CREG2: variants seen among roughly 807,000 people sequenced by gnomAD.
CREG2 encodes the protein protein CREG2.
A neutral mutation model predicts 26.2 loss-of-function variants in CREG2; 24 were observed. The observed-to-expected ratio is 0.92, with a 90% CI of 0.66 to 1.29. The LOEUF is 1.29. CREG2 is among the 50% of genes most tolerant of loss of function. CREG2 has a pLI of 0.00. For missense variants in CREG2, 366 were observed against 398.6 expected (o/e 0.92, Z 0.70); for synonymous variants, 174 against 169.2 (o/e 1.03, Z -0.22).
Position 101,350,877 on chromosome 2 carries a change from A to C in CREG2, c.*46T>G, listed in dbSNP as rs1190780502. ...TAGCTGTCTGGCTGCATCACTGAAA[A>C]GGTTTTCATTTAAGTGCAAACACCA... On this transcript the variant is annotated 3_prime_UTR_variant, in exon 4 of 4. Transcript: ENST00000324768. The C allele has an allele frequency of 1.2e-6, 2 of 1,600,684 alleles. No homozygotes were observed. Among genetic ancestry groups the C allele is most frequent in the African/African-American group, 2.7e-5 (2 of 74,666 alleles).
At chr2:101,356,659 G>A (rs1021951533) in intron 2 of CREG2, among the ~76,000 whole-genome samples, 71 of 152,204 alleles carry the variant, frequency 4.7e-4, no homozygotes, top group African/African-American at 1.5e-3. Flanking sequence ...GTAGTACAAC[G>A]CTTCTGTCTG....
chr2:101,351,016 C>T lies in CREG2; in HGVS notation c.780G>A (p.Met260Ile), dbSNP rs749654249. ...TCTGAAGCCAGATATGTTCTATCCT[C>T]ATCTTCATAAAGAACCATTCATATT... Reference protein sequence around the residue: ...PRQYEWFFMKMRIEHIWLQKW... With the variant: ...PRQYEWFFMKIRIEHIWLQKW... Residue 260 changes from methionine to isoleucine, a missense_variant, in exon 4 of 4, where the codon ATG becomes ATA. Coordinates refer to ENST00000324768, the MANE Select transcript of CREG2 (RefSeq NM_153836.4). The T allele has an allele frequency of 6.2e-7, 1 of 1,614,206 alleles. No individual in the cohort carries two copies. Among genetic ancestry groups the T allele is most frequent in the Non-Finnish European group, 8.5e-7 (1 of 1,180,006 alleles).
intron 2 of CREG2, among the ~76,000 whole-genome samples, chr2:101,362,338 T>C (rs1347993128): frequency 1.3e-5 from 2 of 152,196 alleles, no homozygotes; most frequent in Admixed American, 1.3e-4. Context: ...GTTGACATTG[T>C]TTAGCCCCTA....
At position 101,346,398 on chromosome 2, in the gene CREG2, C is replaced by T. The variant is rs1002449130; in HGVS notation, c.*4525G>A. The T allele has an allele frequency of 3.3e-5, 5 of 152,202 alleles. No homozygotes were observed. Among genetic ancestry groups the T allele is most frequent in the Non-Finnish European group, 7.3e-5 (5 of 68,044 alleles). 9.4% of individuals were successfully genotyped at this position (152,202 alleles called of 1,614,324 possible). ...AATCAGTGGAGAATCATTATATACACACTTGGATACTTATATACACCTATA... is the reference window on the plus strand; with the variant it reads ...AATCAGTGGAGAATCATTATATACATACTTGGATACTTATATACACCTATA... On this transcript the variant is annotated 3_prime_UTR_variant, in exon 4 of 4. Coordinates refer to ENST00000324768, the MANE Select transcript of CREG2 (RefSeq NM_153836.4).
Position 101,387,239 on chromosome 2 carries a change from G to T in CREG2, c.219C>A (p.Ser73Arg), listed in dbSNP as rs1220707643. 1.4e-6 allele frequency: 2 copies of T among 1,438,562 alleles called. No individual in the cohort carries two copies. Among genetic ancestry groups the T allele is most frequent in the African/African-American group, 2.9e-5 (2 of 67,994 alleles). 89.1% of individuals were successfully genotyped at this position (1,438,562 alleles called of 1,614,324 possible). A position where few individuals can be genotyped will look rare whatever the true frequency, so the allele number is the denominator to read the frequency against. Reference protein sequence around the residue: ...LEDSGSIWQQSFPASAHKEDA... With the variant: ...LEDSGSIWQQRFPASAHKEDA... ...CCTCCTTGTGGGCAGAGGCGGGGAA[G>T]CTTTGCTGCCAGATGCTGCCCGAAT... Residue 73 changes from serine (S) to arginine (R), a missense_variant, in exon 1 of 4, where the codon AGC becomes AGA. Transcript: ENST00000324768. The surrounding 1 kb of genome is among the most constrained non-coding windows in gnomAD (Gnocchi z 4.7).
intron 2 of CREG2, among the ~76,000 whole-genome samples, chr2:101,375,248 C>T (rs1281461747): frequency 6.6e-6 from 1 of 152,150 alleles, no homozygotes; most frequent in Admixed American, 6.5e-5. Context: ...TTCTAGGTCT[C>T]ATTGAGGCCC....
chr2:101,383,508 T>C (rs946193354), intron 2 of CREG2, 25 bp downstream of exon 2: 4 of 1,612,380 alleles, frequency 2.5e-6, no homozygotes, highest in African/African-American at 2.7e-5. Flanking sequence ...AGGACCCGTG[T>C]GAGTGAGGGC....
chr2:101,381,212 G>A (rs1350245336), intron 2 of CREG2, among the ~76,000 whole-genome samples: 1 of 152,176 alleles, frequency 6.6e-6, no homozygotes, highest in Non-Finnish European at 1.5e-5. Context: ...GTACCTTGCC[G>A]GGCTGTCCTT....
At chr2:101,381,088 A>G (rs1021781317) in intron 2 of CREG2, among the ~76,000 whole-genome samples, 1 of 152,228 alleles carries the variant, frequency 6.6e-6, no homozygotes, top group East Asian at 1.9e-4. Context: ...CGCTTTCTTG[A>G]ATCTCCCCGC....
chr2:101,351,252 T>C (rs1434024099), intron 3 of CREG2, among the ~76,000 whole-genome samples, 182 bp from the exon 4 acceptor site: 1 of 152,196 alleles, frequency 6.6e-6, no homozygotes, highest in Non-Finnish European at 1.5e-5. Flanking sequence ...CCAGGGACTG[T>C]AGACCTTACC....
intron 2 of CREG2, among the ~76,000 whole-genome samples, chr2:101,358,277 C>A (rs1684491512): frequency 6.6e-6 from 1 of 152,194 alleles, no homozygotes; most frequent in Non-Finnish European, 1.5e-5. Flanking sequence ...CAGGCGTGAG[C>A]CACCGTGCCC....
chr2:101,351,688 C>T (rs986124798), intron 3 of CREG2, among the ~76,000 whole-genome samples: 2 of 152,078 alleles, frequency 1.3e-5, no homozygotes, highest in Non-Finnish European at 2.9e-5. Context: ...ACTGACTTGC[C>T]TCTCCCCGAT....
At chr2:101,357,312 C>T (rs147410360) in intron 2 of CREG2, among the ~76,000 whole-genome samples, 3 of 151,844 alleles carry the variant, frequency 2.0e-5, no homozygotes, top group East Asian at 2.0e-4. Context: ...CGTGAGCCAT[C>T]GTGCCTGGCC....
At position 101,350,677 on chromosome 2, in the gene CREG2, G is replaced by C. The variant is rs545386802; in HGVS notation, c.*246C>G. The C allele has an allele frequency of 8.9e-6, 4 of 450,856 alleles. No homozygotes were observed. In the East Asian group the frequency reaches 1.4e-4, roughly 16 times the overall value. 27.9% of individuals were successfully genotyped at this position (450,856 alleles called of 1,614,324 possible). A position where few individuals can be genotyped will look rare whatever the true frequency, so the allele number is the denominator to read the frequency against. ...ATATGATTTCTGAATCGATGAGTCT[G>C]GATTGAATACAATGGAATAAAGACT... On this transcript the variant is annotated 3_prime_UTR_variant, in exon 4 of 4. Transcript: ENST00000324768.
chr2:101,383,741 G>A, intron 1 of CREG2, 39 bp from the exon 2 acceptor site: 1 of 1,539,616 alleles, frequency 6.5e-7, no homozygotes, highest in Non-Finnish European at 8.8e-7. Flanking sequence ...GTGCAGAGCT[G>A]TGGCTCGACT....
chr2:101,380,966 T>A (rs1281106613), intron 2 of CREG2, among the ~76,000 whole-genome samples: 1 of 151,694 alleles, frequency 6.6e-6, no homozygotes, highest in Non-Finnish European at 1.5e-5. Context: ...CTGTTGCAAG[T>A]TTTCCAGTGC....
Position 101,350,814 on chromosome 2 carries a change from G to T in CREG2, c.*109C>A. The T allele has an allele frequency of 9.2e-7, 1 of 1,081,112 alleles. No individual in the cohort carries two copies. 67.0% of individuals were successfully genotyped at this position (1,081,112 alleles called of 1,614,324 possible). The stretch of plus-strand genomic sequence containing the variant: ...TCTCATTCTGCTGCAGGGATGGCAG[G>T]GCTGCTATGAACCCTTCAACAAAGA... On this transcript the variant is annotated 3_prime_UTR_variant, in exon 4 of 4. Transcript: ENST00000324768.
intron 2 of CREG2, among the ~76,000 whole-genome samples, chr2:101,365,207 A>G (rs1684601693): frequency 6.6e-6 from 1 of 152,170 alleles, no homozygotes; most frequent in African/African-American, 2.4e-5. Flanking sequence ...CCTAGAACAA[A>G]TAGGATTCTC....
rs62154040 is a variant in CREG2, at chr2:101,345,758, T to G, written c.*5165A>C. Reference sequence around the variant, plus strand: ...GCATCAATAAATTATCCTAGAGAGGTTTTATTTTCAGAACAGTATTTGATA... The same window carrying G: ...GCATCAATAAATTATCCTAGAGAGGGTTTATTTTCAGAACAGTATTTGATA... On this transcript the variant is annotated 3_prime_UTR_variant, in exon 4 of 4. Transcript: ENST00000324768. 3 of 151,992 alleles carry G rather than the reference T, an allele frequency of 2.0e-5. No homozygotes were observed. Among genetic ancestry groups the G allele is most frequent in the African/African-American group, 7.3e-5 (3 of 41,370 alleles). 9.4% of individuals were successfully genotyped at this position (151,992 alleles called of 1,614,324 possible).
Sources: allele counts gnomAD v4.1 joint callset (sites outside exome capture counted in the v4.1 genomes callset), GRCh38; gene constraint gnomAD v4.1.1; non-coding constraint Gnocchi (gnomAD v3.1); transcripts MANE v1.5; gene names NCBI Gene and HGNC (gene_info 2026-07-23, HGNC 2026-07-21).